Variants in SFMBT2 observed in about 807,000 individuals in gnomAD.
SFMBT2 encodes Scm like with four mbt domains 2, also known as scm-like with four MBT domains protein 2.
A neutral mutation model predicts 110.1 loss-of-function variants in SFMBT2; 38 were observed. That is an observed-to-expected ratio of 0.35 (90% confidence interval 0.27 to 0.45). SFMBT2 has a LOEUF of 0.45. SFMBT2 is among the 20% of genes least tolerant of loss of function. SFMBT2 has a pLI of 1.00. For missense variants in SFMBT2, 1,011 were observed against 1,094.9 expected (o/e 0.92, Z 1.08); for synonymous variants, 425 against 425.4 (o/e 1.00, Z 0.01).
Position 7,381,960 on chromosome 10 carries a change from TCA to T in SFMBT2, c.-51-13_-51-12del. The T allele has an allele frequency of 1.5e-6, 2 of 1,337,534 alleles. No individual in the cohort carries two copies. Among genetic ancestry groups the T allele is most frequent in the Non-Finnish European group, 2.0e-6 (2 of 1,009,756 alleles). The allele number at this position is 1,337,534 out of a possible 1,614,324, so 82.9% of individuals were successfully genotyped here. The stretch of plus-strand genomic sequence containing the variant: ...TGCAGAAAAAATTACCTAAGAGCAA[TCA>T]AAAAAAAAAAAATCAGAGCAGTTTA... On this transcript the variant is annotated splice_polypyrimidine_tract_variant and intron_variant, in intron 1 of 20. Transcript: ENST00000397167.
intron 4 of SFMBT2, among the ~76,000 whole-genome samples, chr10:7,298,105 A>G (rs1217657837): frequency 6.6e-6 from 1 of 152,220 alleles, no homozygotes; most frequent in African/African-American, 2.4e-5. Context: ...TCCTTCACCA[A>G]TGAGTGCTAG....
In SFMBT2 at chr10:7,275,514, A is replaced by G. The variant is rs533970028; in HGVS notation, c.870+1378T>C. ...GAGGGAAGGAGAGGAAGAGGAAGAC[A>G]AAGAGGAGAAGAGAGAAAGATTTGG... is the stretch of plus-strand genomic sequence containing the variant. On this transcript the variant is annotated intron_variant, in intron 7 of 20. Transcript: ENST00000397167. Among the ~76,000 whole-genome samples the G allele has an allele frequency of 4.0e-5, 6 of 151,390 alleles. No homozygotes were observed. In the South Asian group the frequency reaches 1.2e-3, roughly 31 times the overall value.
intron 1 of SFMBT2, among the ~76,000 whole-genome samples, chr10:7,385,583 T>C (rs1299893874): frequency 1.3e-5 from 2 of 151,796 alleles, no homozygotes; most frequent in Non-Finnish European, 2.9e-5. Context: ...CCAAAAACAA[T>C]GATCATAACA....
In SFMBT2 at chr10:7,172,656, A is replaced by T; in HGVS notation, c.1990T>A (p.Tyr664Asn). 1 of 1,613,294 alleles carries T rather than the reference A, an allele frequency of 6.2e-7. No homozygotes were observed. The highest frequency in any genetic ancestry group is 8.5e-7 in the Non-Finnish European group (1 of 1,179,574). The change falls in exon 18 of 21, where the codon TAC (tyrosine) becomes AAC (asparagine). Residue 664 changes from tyrosine (Y) to asparagine (N), a missense_variant. Physicochemically the swap from Tyr to Asn is moderately radical, Grantham distance 143. Coordinates refer to ENST00000397167, the MANE Select transcript of SFMBT2 (RefSeq NM_001387889.1). The surrounding 1 kb of genome is among the most constrained non-coding windows in gnomAD (Gnocchi z 4.6). ...SIHTKTKYTY[Y>N]YGKRKKISKP... is the part of the protein sequence containing the mutation. ...GAGATCTTCTTTCTCTTTCCATAGT[A>T]ATAGGCTGTAGGAAGGAAGATGAGA...
chr10:7,394,345 T>C (rs2132111381), intron 1 of SFMBT2, among the ~76,000 whole-genome samples: 1 of 151,846 alleles, frequency 6.6e-6, no homozygotes, highest in South Asian at 2.1e-4. Flanking sequence ...TCAAACCCAG[T>C]CATCTCCTGC....
intron 1 of SFMBT2, among the ~76,000 whole-genome samples, chr10:7,390,258 T>C (rs1845729371): frequency 6.6e-6 from 1 of 152,222 alleles, no homozygotes; most frequent in Non-Finnish European, 1.5e-5. Flanking sequence ...TGGAGAGCCG[T>C]ATTTGAGGGC....
chr10:7,260,491 C>G (rs1841158135), intron 7 of SFMBT2, among the ~76,000 whole-genome samples: 2 of 152,172 alleles, frequency 1.3e-5, no homozygotes, highest in Admixed American at 1.3e-4. Flanking sequence ...AACTCCAGGC[C>G]TCTCAGGCAG....
intron 7 of SFMBT2, among the ~76,000 whole-genome samples, chr10:7,250,921 C>A (rs1451497625): frequency 6.6e-6 from 1 of 152,146 alleles, no homozygotes; most frequent in Non-Finnish European, 1.5e-5. Flanking sequence ...CACCAGCCAT[C>A]ATGTCCAGGC....
chr10:7,346,988 T>TCGAAACAAAA lies in SFMBT2; in HGVS notation c.436+20660_436+20661insTTTTGTTTCG, dbSNP rs568378316. 8.9e-3 allele frequency among the ~76,000 whole-genome samples: 1,343 copies of TCGAAACAAAA among 150,370 alleles called. 19 individuals are homozygous for TCGAAACAAAA. The highest frequency in any genetic ancestry group is 0.031 in the African/African-American group (1,273 of 40,558). On this transcript the variant is annotated intron_variant, in intron 4 of 20. Coordinates refer to ENST00000397167, the MANE Select transcript of SFMBT2 (RefSeq NM_001387889.1). ...CTGGGCGACAAAACCAGACTCTGTC[T>TCGAAACAAAA]CAAAACAAAACAAAACAAAACAAAA...
intron 20 of SFMBT2, chr10:7,164,167 G>A (rs1238905192): frequency 5.2e-6 from 5 of 953,432 alleles, no homozygotes; most frequent in East Asian, 1.2e-4. Flanking sequence ...CTGGAGGATC[G>A]CTTGAGACCA....
intron 4 of SFMBT2, among the ~76,000 whole-genome samples, chr10:7,299,150 C>T (rs1842489457): frequency 6.6e-6 from 1 of 152,052 alleles, no homozygotes; most frequent in African/African-American, 2.4e-5. Context: ...AAAACCTAGG[C>T]AATACTATTC....
intron 4 of SFMBT2, among the ~76,000 whole-genome samples, chr10:7,315,172 G>A (rs1412097692): frequency 6.6e-6 from 1 of 152,210 alleles, no homozygotes; most frequent in Non-Finnish European, 1.5e-5. Flanking sequence ...GATCCCCTGT[G>A]AGGGTCCATT....
chr10:7,388,201 A>T (rs1198257372), intron 1 of SFMBT2, among the ~76,000 whole-genome samples: 1 of 151,798 alleles, frequency 6.6e-6, no homozygotes. Flanking sequence ...TAGAGATCTC[A>T]TCCTAATTGG....
intron 4 of SFMBT2, among the ~76,000 whole-genome samples, chr10:7,323,262 C>G (rs1008151083): frequency 2.6e-5 from 4 of 151,760 alleles, no homozygotes; most frequent in Non-Finnish European, 4.4e-5. Context: ...GCAGCATGAC[C>G]AATATGGTGA....
At chr10:7,363,495 T>C (rs896235207) in intron 4 of SFMBT2, among the ~76,000 whole-genome samples, 9 of 152,102 alleles carry the variant, frequency 5.9e-5, no homozygotes, top group Non-Finnish European at 1.2e-4. Flanking sequence ...ATTACAGGCA[T>C]GCGCCACCAC....
At position 7,170,552 on chromosome 10, in the gene SFMBT2, T is replaced by G. The variant is rs1465249841; in HGVS notation, c.2544+376A>C. On this transcript the variant is annotated intron_variant, in intron 20 of 20. Coordinates refer to ENST00000397167, the MANE Select transcript of SFMBT2 (RefSeq NM_001387889.1). The surrounding 1 kb of genome is among the most constrained non-coding windows in gnomAD (Gnocchi z 4.6). ...GCCAGGGAACTGGGACTCTCACCCC[T>G]GCCTGGTGGTAAAGAGCCCCCACTG... Among the ~76,000 whole-genome samples the G allele has an allele frequency of 2.0e-5, 3 of 152,122 alleles. No homozygotes were observed. The highest frequency in any genetic ancestry group is 7.2e-5 in the African/African-American group (3 of 41,440).
rs181894432 is a variant in SFMBT2, at chr10:7,388,296, T to G, written c.-51-6347A>C. On this transcript the variant is annotated intron_variant, in intron 1 of 20. Transcript: ENST00000397167. ...TGGTGATAAGTGCTATAGGGAAAAA[T>G]GAAGCAGAAAAGATCAGGCAAACAA... Among the ~76,000 whole-genome samples, 17 of 149,354 alleles carry G rather than the reference T, an allele frequency of 1.1e-4. No individual in the cohort carries two copies. In the East Asian group the frequency reaches 3.2e-3, roughly 28 times the overall value.
chr10:7,244,329 C>A (rs115732101), intron 8 of SFMBT2: 14 of 205,966 alleles, frequency 6.8e-5, no homozygotes, highest in Non-Finnish European at 7.7e-5. Context: ...TGGAATAAAC[C>A]GCCCTCACTC....
At chr10:7,304,582 T>C (rs188014777) in intron 4 of SFMBT2, among the ~76,000 whole-genome samples, 6 of 152,268 alleles carry the variant, frequency 3.9e-5, no homozygotes, top group Admixed American at 3.3e-4. Flanking sequence ...CCAAACTCAT[T>C]TGAGTAACAG....
Sources: gnomAD v4.1 joint callset for allele counts (sites outside exome capture counted in the v4.1 genomes callset) on GRCh38, gnomAD v4.1.1 for gene constraint, Gnocchi (gnomAD v3.1) non-coding constraint, MANE v1.5 for transcripts, NCBI Gene and HGNC (gene_info 2026-07-23, HGNC 2026-07-21) for gene names.